The following MTUS1 variants were observed in gnomAD, a reference collection of about 807,000 sequenced individuals.
MTUS1 encodes microtubule-associated tumor suppressor 1.
MTUS1 carries 109 observed loss-of-function variants against 120.8 expected under a neutral mutation model. The observed-to-expected ratio is 0.90, with a 90% CI of 0.77 to 1.06. MTUS1 has a LOEUF of 1.06. Among genes scored for constraint, MTUS1 ranks in the 50% least tolerant of loss-of-function variants. The pLI, the probability that MTUS1 is intolerant of heterozygous loss-of-function variation, is 0.00. For synonymous variants in MTUS1, 737 were observed against 550.5 expected (o/e 1.34, Z -4.74); for missense variants, 2,210 against 1,486.3 (o/e 1.49, Z -8.01).
At chr8:17,790,792 G>C (rs1162847037) in intron 1 of MTUS1, among the ~76,000 whole-genome samples, 1 of 152,156 alleles carries the variant, frequency 6.6e-6, no homozygotes, top group Non-Finnish European at 1.5e-5. Flanking sequence ...TTCGAGACCA[G>C]CGTGGCCTAC....
At chr8:17,650,518 T>C (rs1232609282) in intron 12 of MTUS1, among the ~76,000 whole-genome samples, 1 of 152,150 alleles carries the variant, frequency 6.6e-6, no homozygotes, top group Non-Finnish European at 1.5e-5. Context: ...CTACACGGCA[T>C]GGAGTACACA....
intron 8 of MTUS1, among the ~76,000 whole-genome samples, chr8:17,662,438 C>T (rs934089712): frequency 6.7e-6 from 1 of 149,232 alleles, no homozygotes; most frequent in Admixed American, 6.7e-5. Flanking sequence ...TCACTGCAAC[C>T]TCCACCTCCC....
chr8:17,691,405 C>G (rs1023258055), intron 6 of MTUS1: 3 of 152,246 alleles, frequency 2.0e-5, no homozygotes, highest in African/African-American at 7.2e-5. Flanking sequence ...AAAGCTACAG[C>G]TCTAAAACCG....
chr8:17,683,693 CCT>C (rs1433924017), intron 7 of MTUS1, among the ~76,000 whole-genome samples: 8 of 152,072 alleles, frequency 5.3e-5, no homozygotes, highest in South Asian at 2.1e-4. Context: ...TCAGTTGCCC[CCT>C]GAGATAATTA....
At chr8:17,762,828 G>A (rs1008148201) in intron 1 of MTUS1, among the ~76,000 whole-genome samples, 1 of 152,260 alleles carries the variant, frequency 6.6e-6, no homozygotes. Flanking sequence ...GATGGGGCCT[G>A]AGATTCTGCA....
chr8:17,713,823 A>T (rs193214697), intron 5 of MTUS1, among the ~76,000 whole-genome samples: 24 of 152,328 alleles, frequency 1.6e-4, no homozygotes, highest in East Asian at 9.6e-4. Context: ...TCATCTGCAG[A>T]TACCAGTTAG....
chr8:17,744,864 T>C (rs1458028130), intron 2 of MTUS1, among the ~76,000 whole-genome samples: 1 of 152,078 alleles, frequency 6.6e-6, no homozygotes, highest in Non-Finnish European at 1.5e-5. Flanking sequence ...TGCCAAGCAG[T>C]AAATCTTTGA....
rs1014862514 is a variant in MTUS1, at chr8:17,713,364, G to C, written c.2585-112C>G. On this transcript the variant is annotated intron_variant, in intron 5 of 14. Coordinates refer to ENST00000693296, the MANE Select transcript of MTUS1 (RefSeq NM_001363059.2). The stretch of plus-strand genomic sequence containing the variant: ...AAAAACAATCAATCGCTACATTTCA[G>C]GTTCCCGGTGGGAAATATCACCGAG... 3 of 678,844 alleles carry C rather than the reference G, an allele frequency of 4.4e-6. No individual in the cohort carries two copies. In the African/African-American group the frequency reaches 5.6e-5, roughly 13 times the overall value. The allele number at this position is 678,844 out of a possible 1,614,324, so 42.1% of individuals were successfully genotyped here.
chr8:17,785,304 A>G (rs919104788), intron 1 of MTUS1, among the ~76,000 whole-genome samples: 3 of 152,174 alleles, frequency 2.0e-5, no homozygotes, highest in African/African-American at 7.2e-5. Flanking sequence ...GGACCCAGAG[A>G]ATAGGCTCCA....
chr8:17,689,699 G>C (rs1031052966), intron 6 of MTUS1, among the ~76,000 whole-genome samples: 1 of 152,118 alleles, frequency 6.6e-6, no homozygotes, highest in Admixed American at 6.5e-5. Context: ...ACATAGATCA[G>C]TGGAAGAGAA....
At chr8:17,680,437 C>G (rs1286680075) in intron 7 of MTUS1, among the ~76,000 whole-genome samples, 1 of 128,892 alleles carries the variant, frequency 7.8e-6, no homozygotes, top group Non-Finnish European at 1.5e-5. Context: ...GCACTCCAGA[C>G]TGGGTGACAG....
intron 7 of MTUS1, 107 bp downstream of exon 7, chr8:17,684,221 T>C (rs1815245563): frequency 1.0e-5 from 8 of 784,322 alleles, no homozygotes; most frequent in Non-Finnish European, 1.5e-5. Context: ...ACACCTGATC[T>C]TTCCCATCAT....
intron 2 of MTUS1, among the ~76,000 whole-genome samples, chr8:17,750,997 G>C (rs1350390297): frequency 4.6e-5 from 7 of 152,212 alleles, no homozygotes; most frequent in Non-Finnish European, 7.3e-5. Context: ...GCCTAAGGCA[G>C]GCCAAGGCCA....
intron 3 of MTUS1, among the ~76,000 whole-genome samples, chr8:17,731,345 A>C (rs1323474707): frequency 1.3e-5 from 2 of 152,160 alleles, no homozygotes; most frequent in Non-Finnish European, 2.9e-5. Context: ...GTTTTCTCAT[A>C]TGTGAGAATG....
chr8:17,726,555 T>C (rs181323894), intron 3 of MTUS1, among the ~76,000 whole-genome samples: 5 of 152,220 alleles, frequency 3.3e-5, no homozygotes, highest in African/African-American at 1.2e-4. Flanking sequence ...ATTTTGATAA[T>C]GTGTTCTCCC....
At chr8:17,789,050 G>C (rs1025272863) in intron 1 of MTUS1, among the ~76,000 whole-genome samples, 10 of 135,190 alleles carry the variant, frequency 7.4e-5, no homozygotes, top group Admixed American at 2.2e-4. Context: ...TTTTTTTTTT[G>C]AGACGGAGTT....
In MTUS1 at chr8:17,652,457, A is replaced by G. The variant is rs535381472; in HGVS notation, c.3384+729T>C. Among the ~76,000 whole-genome samples, 4 of 152,254 alleles carry G rather than the reference A, an allele frequency of 2.6e-5. No homozygotes were observed. In the East Asian group the frequency reaches 7.7e-4, roughly 29 times the overall value. On this transcript the variant is annotated intron_variant, in intron 12 of 14. Coordinates refer to ENST00000693296, the MANE Select transcript of MTUS1 (RefSeq NM_001363059.2). ...TCAGAATAAGTAAATCCATAGAGAT[A>G]GAAAGTAGACGGGGGAGAGCCTGGT...
At chr8:17,678,562 G>A (rs17125101) in intron 7 of MTUS1, among the ~76,000 whole-genome samples, 2,616 of 152,186 alleles carry the variant, frequency 0.017, 69 homozygotes, top group African/African-American at 0.06. Context: ...CAACAGCATA[G>A]AGCATCTTGC....
In MTUS1 at chr8:17,754,226, A is replaced by G; in HGVS notation, c.1582T>C (p.Ser528Pro). Reference protein sequence around the residue: ...AVLQPKDAALSKVTPRPQQTS... With the variant: ...AVLQPKDAALPKVTPRPQQTS... The stretch of plus-strand genomic sequence containing the variant: ...TGCTGAGGTCTGGGCGTGACCTTTG[A>G]TAAAGCAGCATCTTTGGGCTGCAAC... The change falls in exon 2 of 15, where the codon TCA (serine) becomes CCA (proline). Residue 528 changes from serine (S) to proline (P), a missense_variant. Coordinates refer to ENST00000693296, the MANE Select transcript of MTUS1 (RefSeq NM_001363059.2). 6.2e-7 allele frequency: 1 copy of G among 1,614,116 alleles called. No homozygotes were observed. The highest frequency in any genetic ancestry group is 8.5e-7 in the Non-Finnish European group (1 of 1,180,034).
Sources: gnomAD v4.1 joint callset for allele counts (sites outside exome capture counted in the v4.1 genomes callset) on GRCh38, gnomAD v4.1.1 for gene constraint, MANE v1.5 for transcripts, NCBI Gene and HGNC (gene_info 2026-07-23, HGNC 2026-07-21) for gene names.